MGAM: variants seen among roughly 807,000 people sequenced by gnomAD.
MGAM encodes the protein maltase-glucoamylase.
A neutral mutation model predicts 358.8 loss-of-function variants in MGAM; 253 were observed. The observed-to-expected ratio is 0.71, with a 90% CI of 0.64 to 0.78. The LOEUF is 0.78. Ranked by LOEUF, MGAM falls within the 30% of genes least tolerant of loss-of-function variation. The probability of loss-of-function intolerance (pLI) is 0.00; values close to 1 mark genes in which losing one functional copy is unlikely to be tolerated. For missense variants in MGAM, 3,080 were observed against 3,432.6 expected, an observed-to-expected ratio of 0.90 and a Z score of 2.57; for synonymous variants, 1,105 against 1,227.1, an observed-to-expected ratio of 0.90 and a Z score of 2.08.
chr7:142,052,282 A>G lies in MGAM; in HGVS notation c.2806-12A>G. 1 of 1,586,714 alleles carries G rather than the reference A, an allele frequency of 6.3e-7. No homozygotes were observed. The highest frequency in any genetic ancestry group is 8.6e-7 in the Non-Finnish European group (1 of 1,165,424). On this transcript the variant is annotated splice_polypyrimidine_tract_variant and intron_variant, in intron 24 of 70. Transcript: ENST00000475668. ...AAAGATGAATTTCCTTATGATTTCC[A>G]CATTCCTACAGGTTGCCATTATCAC...
At chr7:142,058,086 G>T in intron 30 of MGAM, 117 bp from the exon 31 acceptor site, 1 of 1,513,622 alleles carries the variant, frequency 6.6e-7, no homozygotes, top group South Asian at 1.3e-5. Context: ...TTTTGGTCTG[G>T]ATTTCAATTA....
In MGAM at chr7:142,093,619, C is replaced by T. The variant is rs4726489; in HGVS notation, c.7172+69C>T. The T allele has an allele frequency of 0.015, 20,587 of 1,406,330 alleles. 3,294 individuals are homozygous for T. The Admixed American group carries it at 0.17, about 11-fold the overall frequency. 87.1% of individuals were successfully genotyped at this position (1,406,330 alleles called of 1,614,324 possible). On this transcript the variant is annotated intron_variant, in intron 60 of 70. Coordinates refer to ENST00000475668, the MANE Select transcript of MGAM (RefSeq NM_001365693.1). Reference sequence around the variant, plus strand: ...ATTGCCAGTGACTGACATAGCTACCCTACTTTTCTTTTCATTCCCATTCTA... The same window carrying T: ...ATTGCCAGTGACTGACATAGCTACCTTACTTTTCTTTTCATTCCCATTCTA...
At position 142,093,707 on chromosome 7, in the gene MGAM, A is replaced by T. The variant is rs575620612; in HGVS notation, c.7172+157A>T. Among the ~76,000 whole-genome samples, 3 of 146,544 alleles carry T rather than the reference A, an allele frequency of 2.0e-5. 1 individual carries two copies. In the East Asian group the frequency reaches 6.0e-4, roughly 29 times the overall value. On this transcript the variant is annotated intron_variant, in intron 60 of 70. Coordinates refer to ENST00000475668, the MANE Select transcript of MGAM (RefSeq NM_001365693.1). ...TCTTATTAGATAAACACTTAGTGACATGGAGCCAGGCCCTGTGATTAAAAG... is the reference window on the plus strand; with the variant it reads ...TCTTATTAGATAAACACTTAGTGACTTGGAGCCAGGCCCTGTGATTAAAAG...
intron 8 of MGAM, among the ~76,000 whole-genome samples, chr7:142,026,329 G>A (rs57574462): frequency 0.022 from 3,353 of 152,200 alleles, 127 homozygotes; most frequent in African/African-American, 0.074. Flanking sequence ...GGTTATGAAA[G>A]TCAGAGAGGA....
chr7:142,022,210 C>T (rs1806526304), intron 6 of MGAM, 58 bp from the exon 7 acceptor site: 2 of 1,505,116 alleles, frequency 1.3e-6, no homozygotes, highest in Non-Finnish European at 1.8e-6. Flanking sequence ...TTTCTAAGCA[C>T]TTACGTTCTC....
At chr7:142,012,951 G>C (rs2128988924) in intron 3 of MGAM, among the ~76,000 whole-genome samples, 1 of 152,196 alleles carries the variant, frequency 6.6e-6, no homozygotes, top group Admixed American at 6.5e-5. Context: ...AAAGCTTCCA[G>C]TTCTCTTAAA....
intron 35 of MGAM, among the ~76,000 whole-genome samples, chr7:142,063,221 A>C (rs1431321315): frequency 4.6e-5 from 7 of 151,478 alleles, no homozygotes; most frequent in African/African-American, 1.7e-4. Flanking sequence ...AAAACCAAAA[A>C]AAAAACCTGG....
Position 142,047,509 on chromosome 7 carries a change from A to C in MGAM, c.2499-276A>C, listed in dbSNP as rs149227398. Among the ~76,000 whole-genome samples, 748 of 152,290 alleles carry C rather than the reference A, an allele frequency of 4.9e-3. 5 individuals carry two copies. The highest frequency in any genetic ancestry group is 9.5e-3 in the South Asian group (46 of 4,832). On this transcript the variant is annotated intron_variant, in intron 21 of 70. Transcript: ENST00000475668. ...CTGTATTCTAAGTAGTAGTTGCAGA[A>C]GCAGCTTTTATTTGAGTTATTGCAG... is the stretch of plus-strand genomic sequence containing the variant.
In MGAM at chr7:142,003,246, AG is replaced by A. The variant is rs1804874715; in HGVS notation, c.-2-2282del. ...TAAAATTCATATGGAACCCTGAAAG[AG>A]TGTAAGTAGCCCAAGTAATCCAAAG... On this transcript the variant is annotated intron_variant, in intron 1 of 70. Transcript: ENST00000475668. Among the ~76,000 whole-genome samples, 9 of 152,216 alleles carry A rather than the reference AG, an allele frequency of 5.9e-5. No individual in the cohort carries two copies. In the South Asian group the frequency reaches 1.9e-3, roughly 32 times the overall value.
At chr7:142,096,476 G>C in intron 65 of MGAM, 61 bp downstream of exon 65, 2 of 1,510,172 alleles carry the variant, frequency 1.3e-6, no homozygotes, top group Non-Finnish European at 1.8e-6. Context: ...GGAAAAGGAC[G>C]AGGAGAAGAG....
At position 142,085,916 on chromosome 7, in the gene MGAM, G is replaced by T; in HGVS notation, c.6591G>T (p.Leu2197=). ...CCAAGTTTGCCGGGTTTCCAGCTCT[G>T]ATCAATCGCATGAAGGCTGATGGGA... The part of the protein sequence containing the change: ...LSPKFAGFPA[L]INRMKADGMR... The change falls in exon 55 of 71, where the codon CTG becomes CTT. Residue 2197 remains leucine (L), a synonymous_variant. Transcript: ENST00000475668. 6.4e-7 allele frequency: 1 copy of T among 1,566,276 alleles called. No homozygotes were observed. The highest frequency in any genetic ancestry group is 8.8e-7 in the Non-Finnish European group (1 of 1,141,430).
intron 1 of MGAM, among the ~76,000 whole-genome samples, chr7:142,003,826 A>G (rs1563102442): frequency 6.6e-6 from 1 of 151,988 alleles, no homozygotes; most frequent in African/African-American, 2.4e-5. Context: ...TCCAGAATCT[A>G]TAAGGAACTC....
intron 29 of MGAM, among the ~76,000 whole-genome samples, chr7:142,056,602 A>T (rs912587537): frequency 6.6e-6 from 1 of 152,214 alleles, no homozygotes; most frequent in African/African-American, 2.4e-5. Context: ...TAATTTTATA[A>T]GAGTAGAATG....
chr7:142,036,689 A>G, intron 17 of MGAM, 134 bp from the exon 18 acceptor site: 1 of 903,236 alleles, frequency 1.1e-6, no homozygotes, highest in Admixed American at 2.3e-5. Flanking sequence ...ACTACTCAGA[A>G]GCGAGGTTTG....
chr7:142,027,863 A>G (rs1222006306), intron 10 of MGAM, 128 bp downstream of exon 10: 9 of 1,064,084 alleles, frequency 8.5e-6, no homozygotes, highest in Non-Finnish European at 1.1e-5. Context: ...AGTTTTAGAT[A>G]TTCAGAATAC....
chr7:142,105,257 G>A (rs966870826), intron 70 of MGAM, among the ~76,000 whole-genome samples: 9 of 151,882 alleles, frequency 5.9e-5, no homozygotes, highest in African/African-American at 2.2e-4. Context: ...TCTCCAGTTT[G>A]TGCAGTTGTT....
At chr7:142,021,169 T>C in intron 5 of MGAM, 86 bp downstream of exon 5, 1 of 939,806 alleles carries the variant, frequency 1.1e-6, no homozygotes, top group Non-Finnish European at 1.6e-6. Flanking sequence ...AAATAGAAAA[T>C]TTTGCTACTG....
At chr7:142,057,403 A>G (rs1000565909) in intron 30 of MGAM, among the ~76,000 whole-genome samples, 2 of 148,630 alleles carry the variant, frequency 1.3e-5, no homozygotes, top group Admixed American at 6.7e-5. Flanking sequence ...TGTTTGTGGT[A>G]GTGATGGTGA....
intron 4 of MGAM, 22 bp downstream of exon 4, chr7:142,019,341 T>C (rs1806231964): frequency 1.2e-6 from 2 of 1,609,366 alleles, no homozygotes; most frequent in Non-Finnish European, 8.5e-7. Flanking sequence ...TCTGCCATGA[T>C]GCAGGAGGTC....
Sources: allele counts gnomAD v4.1 joint callset (sites outside exome capture counted in the v4.1 genomes callset), GRCh38; gene constraint gnomAD v4.1.1; transcripts MANE v1.5; gene names NCBI Gene and HGNC (gene_info 2026-07-23, HGNC 2026-07-21).